Variants in TFB1M observed in about 807,000 individuals in gnomAD.
The protein encoded by TFB1M is dimethyladenosine transferase 1, mitochondrial.
In TFB1M, 27 loss-of-function variants were observed where a neutral mutation model predicts 31.1. The ratio of observed to expected loss-of-function variants is 0.87; its 90% CI spans 0.64 to 1.20. The LOEUF is 1.20. Ranked by LOEUF, TFB1M falls within the 50% of genes most tolerant of loss-of-function variation. The pLI is 0.00. For missense variants in TFB1M, 394 were observed against 418.7 expected (o/e 0.94, Z 0.51); for synonymous variants, 166 against 151.8 (o/e 1.09, Z -0.69).
intron 4 of TFB1M, among the ~76,000 whole-genome samples, chr6:155,294,736 G>C (rs1326388171): frequency 6.6e-6 from 1 of 152,212 alleles, no homozygotes; most frequent in Non-Finnish European, 1.5e-5. Flanking sequence ...GATGATTTCA[G>C]AGATCAACTT....
intron 5 of TFB1M, among the ~76,000 whole-genome samples, chr6:155,280,237 GTCTT>G (rs1583337696): frequency 6.6e-6 from 1 of 152,114 alleles, no homozygotes; most frequent in East Asian, 1.9e-4. Flanking sequence ...AGGATGCTGT[GTCTT>G]GGCCAAGCTC....
the TFB1M span, chr6:155,244,953 C>G: frequency 2.4e-5 from 20 of 850,158 alleles, no homozygotes; most frequent in Non-Finnish European, 2.9e-5. Flanking sequence ...TAAAGGAAGG[C>G]TGTATATATT....
chr6:155,270,932 A>G (rs2114698384), intron 5 of TFB1M, among the ~76,000 whole-genome samples: 1 of 152,146 alleles, frequency 6.6e-6, no homozygotes, highest in Admixed American at 6.5e-5. Flanking sequence ...CAAAGAACAA[A>G]GCCAGTACAC....
In TFB1M at chr6:155,277,491, GA is replaced by G. The variant is rs375675396; in HGVS notation, c.666+7666del. Among the ~76,000 whole-genome samples, 316 of 152,216 alleles carry G rather than the reference GA, an allele frequency of 2.1e-3. 1 individual carries two copies. The highest frequency in any genetic ancestry group is 7.1e-3 in the African/African-American group (295 of 41,532). ...TTGTCAATGATTCAATGGTAAAGGGGAAAAAAGATTATTTCTTTGTACATTA... is the reference window on the plus strand; with the variant it reads ...TTGTCAATGATTCAATGGTAAAGGGGAAAAAGATTATTTCTTTGTACATTA... On this transcript the variant is annotated intron_variant, in intron 5 of 6. Transcript: ENST00000367166.
intron 6 of TFB1M, among the ~76,000 whole-genome samples, 162 bp from the exon 7 acceptor site, chr6:155,258,244 A>G (rs113803874): frequency 1.5e-3 from 224 of 152,318 alleles, no homozygotes; most frequent in African/African-American, 5.1e-3. Flanking sequence ...ACCAGATAAG[A>G]GGCACGGCCC....
At position 155,258,542 on chromosome 6, in the gene TFB1M, T is replaced by C. The variant is rs564441952; in HGVS notation, c.795-460A>G. On this transcript the variant is annotated intron_variant, in intron 6 of 6. Transcript: ENST00000367166. ...AGAGTTACTTTTTTTTGCTAAAAGT[T>C]TGAAAATAGCTGATAGGAAAATATA... Among the ~76,000 whole-genome samples the C allele has an allele frequency of 4.8e-5, 4 of 83,506 alleles. No individual in the cohort carries two copies. In the South Asian group the frequency reaches 1.3e-3, roughly 26 times the overall value. The allele number at this position is 83,506 out of a possible 152,430, so 54.8% of individuals were successfully genotyped here.
At chr6:155,276,400 A>C (rs1785221750) in intron 5 of TFB1M, 1 of 1,584,282 alleles carries the variant, frequency 6.3e-7, no homozygotes, top group Non-Finnish European at 8.6e-7. Context: ...AATGCATATG[A>C]AATGGAACTT....
At chr6:155,252,974 C>A (rs369523558), downstream of TFB1M, 4 of 1,614,216 alleles carry the variant, frequency 2.5e-6, no homozygotes, top group Non-Finnish European at 3.4e-6. Context: ...CTGCACACAA[C>A]TCTACTGACT....
At chr6:155,265,869 A>C (rs1784613801) in intron 5 of TFB1M, among the ~76,000 whole-genome samples, 1 of 151,646 alleles carries the variant, frequency 6.6e-6, no homozygotes, top group Non-Finnish European at 1.5e-5. Flanking sequence ...GCTGAGAAGC[A>C]AGGAGAGCCA....
the TFB1M span, among the ~76,000 whole-genome samples, chr6:155,241,059 C>T: frequency 6.6e-6 from 1 of 152,202 alleles, no homozygotes; most frequent in African/African-American, 2.4e-5. Flanking sequence ...AACTTGGGAA[C>T]AATCTGTACA....
chr6:155,286,606 T>G (rs1412195487), intron 4 of TFB1M, among the ~76,000 whole-genome samples: 1 of 140,518 alleles, frequency 7.1e-6, no homozygotes, highest in Non-Finnish European at 1.5e-5. Context: ...TATATATGTG[T>G]GTATATATAT....
At chr6:155,252,889 A>G, downstream of TFB1M, 2 of 1,465,558 alleles carry the variant, frequency 1.4e-6, no homozygotes, top group African/African-American at 1.4e-5. Context: ...CACTGTGCAC[A>G]CATCCTCCCT....
chr6:155,249,961 GAGA>G, the TFB1M span: 1 of 1,612,246 alleles, frequency 6.2e-7, no homozygotes, highest in South Asian at 1.1e-5. Context: ...GAGCGGAACA[GAGA>G]AGGAGGTCCG....
chr6:155,279,022 G>A (rs1785355333), intron 5 of TFB1M, among the ~76,000 whole-genome samples: 1 of 152,108 alleles, frequency 6.6e-6, no homozygotes, highest in South Asian at 2.1e-4. Flanking sequence ...GAATCTAGTA[G>A]GAAGAGGCCA....
chr6:155,238,951 C>G, the TFB1M span, among the ~76,000 whole-genome samples: 7 of 152,134 alleles, frequency 4.6e-5, no homozygotes, highest in African/African-American at 1.7e-4. Context: ...TATGACAACA[C>G]TGTGTTGGTG....
chr6:155,245,700 C>T, the TFB1M span: 4 of 1,612,828 alleles, frequency 2.5e-6, no homozygotes, highest in Non-Finnish European at 2.5e-6. Context: ...TCTGTGCTAA[C>T]CATATCAAAG....
chr6:155,234,603 T>G, the TFB1M span, among the ~76,000 whole-genome samples: 1 of 152,122 alleles, frequency 6.6e-6, no homozygotes, highest in African/African-American at 2.4e-5. Flanking sequence ...TGGGTTTCCC[T>G]TATGTTGTTC....
chr6:155,261,665 G>A (rs569512239), intron 5 of TFB1M, among the ~76,000 whole-genome samples: 1 of 152,318 alleles, frequency 6.6e-6, no homozygotes, highest in East Asian at 1.9e-4. Flanking sequence ...GGACCCCTGA[G>A]AGCTTGCACC....
At position 155,257,765 on chromosome 6, in the gene TFB1M, A is replaced by C. The variant is rs1477743780; in HGVS notation, c.*71T>G. ...TGTATCGTCATTCTGTAAAGACAAA[A>C]GAGTACCTATATAAGAAGCTCCACG... On this transcript the variant is annotated 3_prime_UTR_variant, in exon 7 of 7. Coordinates refer to ENST00000367166, the MANE Select transcript of TFB1M (RefSeq NM_016020.4). 6 of 1,583,118 alleles carry C rather than the reference A, an allele frequency of 3.8e-6. No individual in the cohort carries two copies. In the East Asian group the frequency reaches 1.1e-4, roughly 30 times the overall value.
Sources: allele counts gnomAD v4.1 joint callset (sites outside exome capture counted in the v4.1 genomes callset), GRCh38; gene constraint gnomAD v4.1.1; transcripts MANE v1.5; gene names NCBI Gene and HGNC (gene_info 2026-07-23, HGNC 2026-07-21).